The following IQCH variants were observed in gnomAD, a reference collection of about 807,000 sequenced individuals.
IQCH encodes the protein IQ domain-containing protein H.
In IQCH, 98 loss-of-function variants were observed where a neutral mutation model predicts 117.0. That is an observed-to-expected ratio of 0.84 (90% CI 0.71 to 0.99). The LOEUF (loss-of-function observed/expected upper bound fraction) is 0.99. Ranked by LOEUF, IQCH falls within the 50% of genes least tolerant of loss-of-function variation. The pLI, the probability that IQCH is intolerant of heterozygous loss-of-function variation, is 0.00. For missense variants in IQCH, 1,102 were observed against 1,243.8 expected (o/e 0.89, Z 1.72); for synonymous variants, 412 against 448.2 (o/e 0.92, Z 1.02).
chr15:67,385,011 A>G lies in IQCH; in HGVS notation c.1448A>G (p.Asp483Gly), dbSNP rs776801103. ...AACATGCAGCTGGGGAGGCTGTGTG[A>G]CATCTTAGGTACAGTAAATAGTTTT... ...QQNMQLGRLC[D>G]ILDANVNVIY... The change falls in exon 11 of 21, where the codon GAC becomes GGC. Residue 483 changes from aspartate to glycine, a missense_variant. Asp to Gly is a moderately conservative substitution (Grantham distance 94). Around this residue, in one of 2 missense-constraint regions of IQCH, gnomAD observed 650 missense variants for 794.3 expected, o/e 0.82. Transcript: ENST00000335894. The surrounding 1 kb of genome is among the most constrained non-coding windows in gnomAD (Gnocchi z 4.6). 4 of 1,595,566 alleles carry G rather than the reference A, an allele frequency of 2.5e-6. No homozygotes were observed. The African/African-American group carries it at 5.4e-5, about 21-fold the overall frequency.
rs2082906961 is a variant in IQCH, at chr15:67,465,436, A to C, written c.2676+139A>C. On this transcript the variant is annotated intron_variant, in intron 17 of 20. Coordinates refer to ENST00000335894, the MANE Select transcript of IQCH (RefSeq NM_001031715.3). The surrounding 1 kb of genome is among the most constrained non-coding windows in gnomAD (Gnocchi z 5.9). ...GGCAAGTCATTGGACTTGTCTGAGC[A>C]GGGTCTGGAAATGCGAATGTGTTGG... 4 of 836,590 alleles carry C rather than the reference A, an allele frequency of 4.8e-6. No homozygotes were observed. The East Asian group carries it at 1.0e-4, about 22-fold the overall frequency. The allele number at this position is 836,590 out of a possible 1,614,324, so 51.8% of individuals were successfully genotyped here. A position where few individuals can be genotyped will look rare whatever the true frequency, so the allele number is the denominator to read the frequency against.
chr15:67,388,888 T>C lies in IQCH; in HGVS notation c.1514T>C (p.Leu505Pro), dbSNP rs770060726. 2 of 1,613,940 alleles carry C rather than the reference T, an allele frequency of 1.2e-6. No homozygotes were observed. Among genetic ancestry groups the C allele is most frequent in the Non-Finnish European group, 8.5e-7 (1 of 1,179,832 alleles). The change falls in exon 12 of 21, where the codon CTG becomes CCG. Residue 505 changes from leucine (L) to proline (P), a missense_variant. Coordinates refer to ENST00000335894, the MANE Select transcript of IQCH (RefSeq NM_001031715.3). This position sits in a 1 kb window ranked among gnomAD's most constrained non-coding sequence, Gnocchi z 5.5. The part of the protein sequence containing the change: ...CSHHMNDELV[L>P]YYKKILSLHA... ...CATCATATGAATGACGAGTTAGTGCTGTATTACAAAAAAATCCTAAGTCTA... is the reference window on the plus strand; with the variant it reads ...CATCATATGAATGACGAGTTAGTGCCGTATTACAAAAAAATCCTAAGTCTA...
chr15:67,282,165 T>C, intron 4 of IQCH: 1 of 153,656 alleles, frequency 6.5e-6, no homozygotes, highest in Admixed American at 6.5e-5. Flanking sequence ...GAGCTTAAAC[T>C]TCTCATCTTC....
chr15:67,391,241 T>C lies in IQCH; in HGVS notation c.1632+2235T>C, dbSNP rs919313769. On this transcript the variant is annotated intron_variant, in intron 12 of 20. Transcript: ENST00000335894. The surrounding 1 kb of genome is among the most constrained non-coding windows in gnomAD (Gnocchi z 4.3). ...GGTTTTAAGTACTTAATAGTTCTCA[T>C]AGCTCAAGTTTAAATTATTTGAGTA... is the stretch of plus-strand genomic sequence containing the variant. Among the ~76,000 whole-genome samples, 32 of 152,212 alleles carry C rather than the reference T, an allele frequency of 2.1e-4. 1 individual carries two copies. The highest frequency in any genetic ancestry group is 1.6e-3 in the Admixed American group (25 of 15,286).
intron 16 of IQCH, among the ~76,000 whole-genome samples, chr15:67,440,811 C>T (rs1345011952): frequency 6.6e-6 from 1 of 152,074 alleles, no homozygotes; most frequent in Non-Finnish European, 1.5e-5. Context: ...TGGAACAAGA[C>T]AAAGATGCCC....
intron 10 of IQCH, among the ~76,000 whole-genome samples, chr15:67,379,851 C>T (rs1970863413): frequency 6.6e-6 from 1 of 152,028 alleles, no homozygotes; most frequent in Non-Finnish European, 1.5e-5. Context: ...ATAAATTACT[C>T]AGTTCTTTCT....
chr15:67,320,422 A>C (rs1968061433), intron 4 of IQCH, among the ~76,000 whole-genome samples: 1 of 152,234 alleles, frequency 6.6e-6, no homozygotes, highest in Non-Finnish European at 1.5e-5. Context: ...TGTGGTATCA[A>C]GTATACACAT....
chr15:67,421,865 G>A (rs964593021), intron 16 of IQCH, among the ~76,000 whole-genome samples: 5 of 152,174 alleles, frequency 3.3e-5, no homozygotes, highest in South Asian at 2.1e-4. Context: ...TTGGGAGGCC[G>A]AGGTGGGCAG....
chr15:67,324,982 C>A (rs569280114), intron 4 of IQCH, among the ~76,000 whole-genome samples: 101 of 152,024 alleles, frequency 6.6e-4, no homozygotes, highest in Non-Finnish European at 2.2e-4. Flanking sequence ...AGATTTTGGC[C>A]ATTGTTTCTT....
intron 3 of IQCH, among the ~76,000 whole-genome samples, chr15:67,272,614 T>G (rs1965945830): frequency 6.6e-6 from 1 of 152,248 alleles, no homozygotes; most frequent in Non-Finnish European, 1.5e-5. Context: ...GCTCCAATGT[T>G]GCGTGCATAG....
chr15:67,279,353 A>G, intron 3 of IQCH, 42 bp from the exon 4 acceptor site: 1 of 1,100,592 alleles, frequency 9.1e-7, no homozygotes, highest in East Asian at 2.4e-5. Flanking sequence ...AAAGCTTTTA[A>G]AATAGCAAAT....
rs1293098078 is a variant in IQCH, at chr15:67,411,410, T to C, written c.2098-5521T>C. The stretch of plus-strand genomic sequence containing the variant: ...ATGGCTCCTTTCAACACTGACAGTC[T>C]TGCTTACTTTTTCAGGTCATTGTCT... On this transcript the variant is annotated intron_variant, in intron 14 of 20. Coordinates refer to ENST00000335894, the MANE Select transcript of IQCH (RefSeq NM_001031715.3). This position sits in a 1 kb window ranked among gnomAD's most constrained non-coding sequence, Gnocchi z 4.4. Among the ~76,000 whole-genome samples the C allele has an allele frequency of 1.3e-5, 2 of 152,208 alleles. No homozygotes were observed. The highest frequency in any genetic ancestry group is 2.9e-5 in the Non-Finnish European group (2 of 68,038).
At chr15:67,331,312 GA>G (rs1340111743) in intron 4 of IQCH, among the ~76,000 whole-genome samples, 1 of 151,982 alleles carries the variant, frequency 6.6e-6, no homozygotes, top group Admixed American at 6.6e-5. Flanking sequence ...ACAACTTAAA[GA>G]GAACATAAAT....
rs531916763 is a variant in IQCH, at chr15:67,373,920, G to C, written c.1372+487G>C. On this transcript the variant is annotated intron_variant, in intron 10 of 20. Transcript: ENST00000335894. ...AGATGGGATGCTTTATTTGCACCTA[G>C]GGCGCCTGAGCAAAAGGAAATGCTG... 235 of 175,622 alleles carry C rather than the reference G, an allele frequency of 1.3e-3. 2 individuals carry two copies. The South Asian group carries it at 0.024, about 18-fold the overall frequency. The allele number at this position is 175,622 out of a possible 1,614,324, so 10.9% of individuals were successfully genotyped here. A position where few individuals can be genotyped will look rare whatever the true frequency, so the allele number is the denominator to read the frequency against.
chr15:67,310,126 G>GTTA (rs5813434), intron 4 of IQCH, among the ~76,000 whole-genome samples: 102,245 of 151,414 alleles, frequency 0.68, 35,091 homozygotes, highest in Middle Eastern at 0.84. Context: ...TTTTCAAATT[G>GTTA]GAGAACTCCA....
At position 67,494,867 on chromosome 15, in the gene IQCH, G is replaced by T. The variant is rs868205247; in HGVS notation, c.2970+501G>T. Among the ~76,000 whole-genome samples, 3 of 152,134 alleles carry T rather than the reference G, an allele frequency of 2.0e-5. No individual in the cohort carries two copies. The highest frequency in any genetic ancestry group is 7.2e-5 in the African/African-American group (3 of 41,440). On this transcript the variant is annotated intron_variant, in intron 20 of 20. Transcript: ENST00000335894. The surrounding 1 kb of genome is among the most constrained non-coding windows in gnomAD (Gnocchi z 5.5). ...CATCTACCCCACCCGTTTCTCCACC[G>T]TGGGTTGGATTATTTCACTACTAAC...
Position 67,494,494 on chromosome 15 carries a change from G to A in IQCH, c.2970+128G>A. On this transcript the variant is annotated intron_variant, in intron 20 of 20. Coordinates refer to ENST00000335894, the MANE Select transcript of IQCH (RefSeq NM_001031715.3). The surrounding 1 kb of genome is among the most constrained non-coding windows in gnomAD (Gnocchi z 5.5). ...GTAAGCAGTACATATTTTACAGTGT[G>A]CAGGGTCAATACTGTAAGGTTCCCA... The A allele has an allele frequency of 1.7e-6, 1 of 581,638 alleles. No individual in the cohort carries two copies. Among genetic ancestry groups the A allele is most frequent in the Non-Finnish European group, 3.0e-6 (1 of 338,320 alleles). 36.0% of individuals were successfully genotyped at this position (581,638 alleles called of 1,614,324 possible).
chr15:67,265,716 T>A (rs886396495), intron 3 of IQCH, among the ~76,000 whole-genome samples: 10 of 152,112 alleles, frequency 6.6e-5, no homozygotes, highest in Non-Finnish European at 1.3e-4. Flanking sequence ...TGACTGACAT[T>A]TTCTCTGCTC....
In IQCH at chr15:67,322,668, C is replaced by A. The variant is rs1444494239; in HGVS notation, c.388-14307C>A. Among the ~76,000 whole-genome samples the A allele has an allele frequency of 5.3e-5, 8 of 152,128 alleles. No individual in the cohort carries two copies. The East Asian group carries it at 1.3e-3, about 26-fold the overall frequency. ...CAGCTTTTGCCTGTGTTCAGTTGTT[C>A]CTGAGCTCTTGTCCTGCGTCCAAGA... is the stretch of plus-strand genomic sequence containing the variant. On this transcript the variant is annotated intron_variant, in intron 4 of 20. Transcript: ENST00000335894.
Sources: allele counts gnomAD v4.1 joint callset (sites outside exome capture counted in the v4.1 genomes callset), GRCh38; gene constraint gnomAD v4.1.1; regional missense constraint gnomAD v4.1.1; non-coding constraint Gnocchi (gnomAD v3.1); transcripts MANE v1.5; gene names NCBI Gene and HGNC (gene_info 2026-07-23, HGNC 2026-07-21).